Variants in SUSD6 observed in about 807,000 individuals in gnomAD.
SUSD6 encodes sushi domain-containing protein 6.
In SUSD6, 16 loss-of-function variants were observed where a neutral mutation model predicts 28.4. The observed-to-expected ratio is 0.56, with a 90% confidence interval of 0.38 to 0.86. The LOEUF (loss-of-function observed/expected upper bound fraction) is 0.86, where lower values mean the gene tolerates loss of function less well. Among genes scored for constraint, SUSD6 ranks in the 40% least tolerant of loss-of-function variants. SUSD6 has a pLI of 0.00. For synonymous variants in SUSD6, 147 were observed against 159.6 expected (o/e 0.92, Z 0.59); for missense variants, 341 against 384.2 (o/e 0.89, Z 0.94).
intron 1 of SUSD6, among the ~76,000 whole-genome samples, chr14:69,639,981 C>CTTTTT (rs1885327991): frequency 2.3e-5 from 1 of 43,756 alleles, no homozygotes; most frequent in African/African-American, 9.3e-5. Flanking sequence ...TTTTTTTTTG[C>CTTTTT]GGGGGGAAGT....
At chr14:69,659,549 A>G (rs1885632481) in intron 2 of SUSD6, among the ~76,000 whole-genome samples, 2 of 152,002 alleles carry the variant, frequency 1.3e-5, no homozygotes, top group African/African-American at 4.8e-5. Context: ...AGAGAGTCTC[A>G]CCCTGTTGTC....
chr14:69,640,238 A>T (rs1378957676), intron 1 of SUSD6, among the ~76,000 whole-genome samples: 4 of 151,888 alleles, frequency 2.6e-5, no homozygotes, highest in African/African-American at 9.7e-5. Context: ...GCTGGATTGC[A>T]TAGCTAAGAA....
At position 69,700,575 on chromosome 14, in the gene SUSD6, G is replaced by C. The variant is rs145927714; in HGVS notation, c.122-2820G>C. On this transcript the variant is annotated intron_variant, in intron 2 of 5. Transcript: ENST00000342745. ...ACTGGGCTGCTTGCTGTTCTCAGAA[G>C]TTAACCTACATTTTCCCACTTCAGT... Among the ~76,000 whole-genome samples the C allele has an allele frequency of 5.3e-5, 8 of 152,284 alleles. No homozygotes were observed. In the East Asian group the frequency reaches 1.5e-3, roughly 29 times the overall value.
At chr14:69,703,684 T>C (rs1886344690) in intron 3 of SUSD6, 92 bp downstream of exon 3, 9 of 1,196,564 alleles carry the variant, frequency 7.5e-6, no homozygotes, top group Non-Finnish European at 1.1e-5. Context: ...GAGCACTCTT[T>C]GCTGTGGTGC....
intron 2 of SUSD6, among the ~76,000 whole-genome samples, chr14:69,688,392 G>A (rs1158647748): frequency 6.6e-6 from 1 of 152,220 alleles, no homozygotes; most frequent in African/African-American, 2.4e-5. Context: ...GCTCATGCAT[G>A]CATGCAGGCA....
chr14:69,699,633 T>C (rs1886284817), intron 2 of SUSD6, among the ~76,000 whole-genome samples: 1 of 152,074 alleles, frequency 6.6e-6, no homozygotes, highest in Admixed American at 6.6e-5. Flanking sequence ...TTTTCTTTTC[T>C]ATGACCTTCA....
intron 1 of SUSD6, among the ~76,000 whole-genome samples, chr14:69,630,614 T>A (rs1274085066): frequency 6.6e-6 from 1 of 151,886 alleles, no homozygotes; most frequent in East Asian, 1.9e-4. Flanking sequence ...TTATTCAATT[T>A]CCAAACAAGT....
At chr14:69,662,549 A>G (rs1423773813) in intron 2 of SUSD6, among the ~76,000 whole-genome samples, 1 of 152,184 alleles carries the variant, frequency 6.6e-6, no homozygotes, top group African/African-American at 2.4e-5. Flanking sequence ...AATGGGGAGA[A>G]TTATTGATAA....
In SUSD6 at chr14:69,704,643, C is replaced by T; in HGVS notation, c.359C>T (p.Ser120Phe). The T allele has an allele frequency of 1.2e-6, 2 of 1,614,204 alleles. No individual in the cohort carries two copies. The highest frequency in any genetic ancestry group is 1.7e-6 in the Non-Finnish European group (2 of 1,180,026). The change falls in exon 4 of 6, where the codon TCT (serine) becomes TTT (phenylalanine). Residue 120 changes from serine to phenylalanine, a missense_variant. Coordinates refer to ENST00000342745, the MANE Select transcript of SUSD6 (RefSeq NM_014734.4). Reference sequence around the variant, plus strand: ...ACATCACTTGGGGTCCCCACGCTGTCTATAGTGGCTTCTACTGCCAGCTCC... The same window carrying T: ...ACATCACTTGGGGTCCCCACGCTGTTTATAGTGGCTTCTACTGCCAGCTCC... The part of the protein sequence containing the change: ...THTSLGVPTL[S>F]IVASTASSVA...
intron 2 of SUSD6, among the ~76,000 whole-genome samples, chr14:69,669,409 G>A (rs990234774): frequency 6.6e-6 from 1 of 152,148 alleles, no homozygotes; most frequent in African/African-American, 2.4e-5. Context: ...TTCAAGGAGG[G>A]AGGAAAGGTA....
chr14:69,617,627 G>A (rs1884978102), intron 1 of SUSD6: 1 of 152,196 alleles, frequency 6.6e-6, no homozygotes, highest in African/African-American at 2.4e-5. Flanking sequence ...CAAATAAAGA[G>A]GATTTTCAAT....
At chr14:69,707,718 G>A (rs1886405245) in intron 4 of SUSD6, among the ~76,000 whole-genome samples, 1 of 152,164 alleles carries the variant, frequency 6.6e-6, no homozygotes, top group Admixed American at 6.5e-5. Flanking sequence ...CTGCACTGCA[G>A]CCTGGGCAAC....
chr14:69,710,814 C>A (rs1009027051), intron 5 of SUSD6, 140 bp from the exon 6 acceptor site: 1 of 778,028 alleles, frequency 1.3e-6, no homozygotes. Context: ...TTTTTGCCTA[C>A]CTAGAAGTGT....
At chr14:69,676,733 G>C (rs1186130052) in intron 2 of SUSD6, among the ~76,000 whole-genome samples, 2 of 152,132 alleles carry the variant, frequency 1.3e-5, no homozygotes, top group African/African-American at 4.8e-5. Context: ...CACATATTTT[G>C]CCCACAAAGA....
chr14:69,639,075 C>T (rs983425574), intron 1 of SUSD6, among the ~76,000 whole-genome samples: 1 of 152,110 alleles, frequency 6.6e-6, no homozygotes, highest in African/African-American at 2.4e-5. Context: ...CCTGTAATCC[C>T]AGCACTTTGG....
chr14:69,704,900 G>A (rs1886366191), intron 4 of SUSD6, among the ~76,000 whole-genome samples, 158 bp downstream of exon 4: 2 of 152,152 alleles, frequency 1.3e-5, no homozygotes, highest in African/African-American at 4.8e-5. Context: ...TCCTAGATGT[G>A]CCTACCATTG....
chr14:69,652,083 C>G (rs750502061), intron 1 of SUSD6, among the ~76,000 whole-genome samples: 6 of 152,206 alleles, frequency 3.9e-5, no homozygotes, highest in Non-Finnish European at 8.8e-5. Context: ...CCATTATCCT[C>G]TGTCTAGATT....
At chr14:69,635,251 AG>A (rs1187361627) in intron 1 of SUSD6, among the ~76,000 whole-genome samples, 1 of 152,198 alleles carries the variant, frequency 6.6e-6, no homozygotes, top group East Asian at 1.9e-4. Context: ...ATCTGCCCAA[AG>A]GTACACTTTA....
intron 1 of SUSD6, among the ~76,000 whole-genome samples, chr14:69,647,007 A>G (rs1317427594): frequency 1.3e-5 from 2 of 152,118 alleles, no homozygotes; most frequent in Non-Finnish European, 2.9e-5. Context: ...AGCCCCAGGC[A>G]TCATCCTTTA....
Sources: allele counts gnomAD v4.1 joint callset (sites outside exome capture counted in the v4.1 genomes callset), GRCh38; gene constraint gnomAD v4.1.1; transcripts MANE v1.5; gene names NCBI Gene and HGNC (gene_info 2026-07-23, HGNC 2026-07-21).